The following RGS8 variants were observed in gnomAD, a reference collection of about 807,000 sequenced individuals.
The protein encoded by RGS8 is regulator of G protein signaling 8, also known as regulator of G-protein signaling 8.
RGS8 carries 8 observed loss-of-function variants against 21.7 expected under a neutral mutation model. That is an observed-to-expected ratio of 0.37 (90% CI 0.22 to 0.66). The LOEUF (loss-of-function observed/expected upper bound fraction) is 0.66, where lower values mean the gene tolerates loss of function less well. RGS8 is among the 30% of genes least tolerant of loss of function. The pLI is 0.59. For synonymous variants in RGS8, 80 were observed against 83.6 expected, an observed-to-expected ratio of 0.96 and a Z score of 0.24; for missense variants, 157 against 217.9, an observed-to-expected ratio of 0.72 and a Z score of 1.76.
chr1:182,645,749 G>A (rs187932624), downstream of RGS8: 2 of 152,176 alleles, frequency 1.3e-5, no homozygotes, highest in South Asian at 2.1e-4. Flanking sequence ...GGCATGGAAG[G>A]GGGGAGGTGG....
the RGS8 span, among the ~76,000 whole-genome samples, chr1:182,719,361 A>T: frequency 6.6e-6 from 1 of 152,176 alleles, no homozygotes; most frequent in Non-Finnish European, 1.5e-5. Context: ...AAGAAAATTC[A>T]TGTAAATGTA....
intron 3 of RGS8, among the ~76,000 whole-genome samples, chr1:182,668,160 C>T (rs1373473656): frequency 6.6e-6 from 1 of 152,196 alleles, no homozygotes; most frequent in Non-Finnish European, 1.5e-5. Flanking sequence ...GGCCCACAAA[C>T]CCAAAAATAT....
intron 5 of RGS8, among the ~76,000 whole-genome samples, chr1:182,656,480 C>T (rs1663284883): frequency 6.6e-6 from 1 of 152,188 alleles, no homozygotes; most frequent in Admixed American, 6.5e-5. Flanking sequence ...AACTGATGGC[C>T]TGGTGGGGTG....
rs1299627842 is a variant in RGS8 at position 182,684,534 on chromosome 1, G to T, written n.43C>A. ...ATAGCGGCTGCAACATGCTGCTCCT[G>T]CCGGCTCCGCTCCTCTCCAGGCTCT... On this transcript the variant is annotated non_coding_transcript_exon_variant, in exon 1 of 5. Coordinates refer to the RGS8 transcript ENST00000515211. This position sits in a 1 kb window ranked among gnomAD's most constrained non-coding sequence, Gnocchi z 4.2. 1 of 152,302 alleles carries T rather than the reference G, an allele frequency of 6.6e-6. No individual in the cohort carries two copies. The highest frequency in any genetic ancestry group is 2.4e-5 in the African/African-American group (1 of 41,436). 9.4% of individuals were successfully genotyped at this position (152,302 alleles called of 1,614,324 possible).
the RGS8 span, among the ~76,000 whole-genome samples, chr1:182,713,943 T>C: frequency 6.6e-6 from 1 of 152,346 alleles, no homozygotes; most frequent in South Asian, 2.1e-4. Flanking sequence ...ATTATCATGA[T>C]ACCAAAGATA....
At chr1:182,705,836 C>T in the RGS8 span, among the ~76,000 whole-genome samples, 2 of 152,126 alleles carry the variant, frequency 1.3e-5, no homozygotes, top group Admixed American at 6.6e-5. Flanking sequence ...GTAGCAGCCC[C>T]GTTCAACAGC....
chr1:182,732,301 A>ACACACCCC, the RGS8 span, among the ~76,000 whole-genome samples: 23 of 150,654 alleles, frequency 1.5e-4, no homozygotes, highest in Non-Finnish European at 2.8e-4. Context: ...ACACACACAC[A>ACACACCCC]CCCACTGTAG....
downstream of RGS8, chr1:182,646,080 G>C (rs1662690948): frequency 6.6e-6 from 1 of 152,240 alleles, no homozygotes. Context: ...GAAATGTAAG[G>C]TTAGGGTAGT....
chr1:182,673,002 C>T, upstream of RGS8: 1 of 713,872 alleles, frequency 1.4e-6, no homozygotes, highest in Non-Finnish European at 2.4e-6. Flanking sequence ...ACTCTGGGGA[C>T]AGTAATCAGC....
At chr1:182,716,831 G>C in the RGS8 span, among the ~76,000 whole-genome samples, 1 of 152,138 alleles carries the variant, frequency 6.6e-6, no homozygotes, top group Non-Finnish European at 1.5e-5. Context: ...CCACCACCTA[G>C]ATTCACCTTG....
the RGS8 span, among the ~76,000 whole-genome samples, chr1:182,732,777 C>T: frequency 6.6e-6 from 1 of 152,130 alleles, no homozygotes; most frequent in Admixed American, 6.5e-5. Flanking sequence ...GTAGAAGCTC[C>T]TGGAGGATTC....
chr1:182,715,489 C>A, the RGS8 span, among the ~76,000 whole-genome samples: 1 of 152,170 alleles, frequency 6.6e-6, no homozygotes, highest in Non-Finnish European at 1.5e-5. Flanking sequence ...ATAAGATTAT[C>A]AGTATTGCTT....
the RGS8 span, among the ~76,000 whole-genome samples, chr1:182,698,039 G>T: frequency 6.6e-6 from 1 of 152,320 alleles, no homozygotes; most frequent in South Asian, 2.1e-4. Flanking sequence ...ACAAACAGGC[G>T]ATTGCTGTCC....
At chr1:182,733,119 G>A in the RGS8 span, among the ~76,000 whole-genome samples, 7 of 152,352 alleles carry the variant, frequency 4.6e-5, no homozygotes, top group East Asian at 9.6e-4. Flanking sequence ...TGAGTGAAGC[G>A]AATGGATTTC....
intron 1 of RGS8, among the ~76,000 whole-genome samples, chr1:182,679,107 A>T (rs1664460104): frequency 6.6e-6 from 1 of 151,880 alleles, no homozygotes; most frequent in African/African-American, 2.4e-5. Context: ...TCTCTTTCTC[A>T]CATGTTATTC....
chr1:182,709,341 CAT>C, the RGS8 span, among the ~76,000 whole-genome samples: 2 of 152,288 alleles, frequency 1.3e-5, no homozygotes, highest in East Asian at 1.9e-4. Flanking sequence ...TGCACACACA[CAT>C]GTATTCTCTC....
At chr1:182,724,226 A>C in the RGS8 span, among the ~76,000 whole-genome samples, 2 of 116,064 alleles carry the variant, frequency 1.7e-5, no homozygotes, top group African/African-American at 6.3e-5. Context: ...ATATATATAT[A>C]TATATATATA....
the RGS8 span, among the ~76,000 whole-genome samples, chr1:182,737,212 A>C: frequency 6.6e-6 from 1 of 151,824 alleles, no homozygotes; most frequent in Non-Finnish European, 1.5e-5. Context: ...TTATAAGAAC[A>C]CTTCTGATGG....
At chr1:182,682,467 C>G (rs1468478433) in intron 1 of RGS8, among the ~76,000 whole-genome samples, 6 of 152,228 alleles carry the variant, frequency 3.9e-5, no homozygotes, top group African/African-American at 1.4e-4. Flanking sequence ...TTTTACCCCC[C>G]TTGAGCCTCA....
Sources: allele counts gnomAD v4.1 joint callset (sites outside exome capture counted in the v4.1 genomes callset), GRCh38; gene constraint gnomAD v4.1.1; non-coding constraint Gnocchi (gnomAD v3.1); transcripts MANE v1.5; gene names NCBI Gene and HGNC (gene_info 2026-07-23, HGNC 2026-07-21).